CLCN5: variants seen among roughly 807,000 people sequenced by gnomAD.
CLCN5 encodes the protein H(+)/Cl(-) exchange transporter 5.
A neutral mutation model predicts 54.0 loss-of-function variants in CLCN5; 17 were observed. That is an observed-to-expected ratio of 0.31 (90% CI 0.22 to 0.47). The LOEUF (loss-of-function observed/expected upper bound fraction) is 0.47. CLCN5 is among the 20% of genes least tolerant of loss of function. The probability of loss-of-function intolerance (pLI) is 1.00; values close to 1 mark genes in which losing one functional copy is unlikely to be tolerated. For missense variants in CLCN5, 448 were observed against 646.7 expected, an observed-to-expected ratio of 0.69 and a Z score of 3.33; for synonymous variants, 222 against 233.0, an observed-to-expected ratio of 0.95 and a Z score of 0.43.
intron 3 of CLCN5, among the ~76,000 whole-genome samples, chrX:49,952,503 T>TC (rs1226262404): frequency 4.5e-5 from 5 of 110,185 alleles, no homozygotes; most frequent in Non-Finnish European, 9.5e-5. Context: ...AGGTGGGTTT[T>TC]TTTTTTCCAG....
intron 4 of CLCN5, 80 bp downstream of exon 4, chrX:50,042,542 T>C (rs1932263865): frequency 3.0e-6 from 2 of 673,126 alleles, no homozygotes; most frequent in Admixed American, 5.0e-5. Flanking sequence ...TTTAATTTTA[T>C]TTTCTAGCAC....
At chrX:49,960,845 C>T (rs1450648579) in intron 3 of CLCN5, among the ~76,000 whole-genome samples, 3 of 111,002 alleles carry the variant, frequency 2.7e-5, no homozygotes, top group Non-Finnish European at 5.7e-5. Flanking sequence ...TCATACTATC[C>T]CCATAGGCTA....
intron 3 of CLCN5, among the ~76,000 whole-genome samples, chrX:50,013,701 C>G (rs1433950698): frequency 1.8e-5 from 2 of 112,256 alleles, no homozygotes; most frequent in Non-Finnish European, 3.8e-5. Flanking sequence ...GTGCAGGTGC[C>G]TGGACTTTGA....
chrX:50,044,650 A>T (rs1199455014), intron 4 of CLCN5, among the ~76,000 whole-genome samples: 1 of 110,838 alleles, frequency 9.0e-6, no homozygotes, highest in Non-Finnish European at 1.9e-5. Context: ...CAGGGGATGG[A>T]TGTTACAAAG....
chrX:50,035,773 G>A (rs1472698475), intron 3 of CLCN5, among the ~76,000 whole-genome samples: 1 of 112,184 alleles, frequency 8.9e-6, no homozygotes, highest in African/African-American at 3.2e-5. Flanking sequence ...GCCATACAAA[G>A]AAGTTTTAAA....
At chrX:50,090,007 T>C in intron 12 of CLCN5, 109 bp from the exon 13 acceptor site, 3 of 778,576 alleles carry the variant, frequency 3.9e-6, no homozygotes, top group Non-Finnish European at 5.9e-6. Context: ...TGCACAGTTG[T>C]AGGTGAGACC....
intron 3 of CLCN5, among the ~76,000 whole-genome samples, chrX:49,945,648 G>GTTTCACCATGTTGGCCAGGATGGTCTC (rs1926682760): frequency 1.0e-5 from 1 of 97,966 alleles, no homozygotes; most frequent in Non-Finnish European, 2.0e-5. Context: ...TAGAGACGGG[G>GTTTCACCATGTTGGCCAGGATGGTCTC]TTTCACCATG....
chrX:50,081,780 G>C lies in CLCN5; in HGVS notation c.866G>C (p.Cys289Ser), dbSNP rs782428290. Residue 289 changes from cysteine to serine, a missense_variant, in exon 9 of 15, where the codon TGC becomes TCC. Around this residue, in one of 5 missense-constraint regions of CLCN5, gnomAD observed 297 missense variants for 470.4 expected, o/e 0.63. Coordinates refer to ENST00000376091, the MANE Select transcript of CLCN5 (RefSeq NM_001127898.4). ...GKEGPLVHVA[C>S]CCGNILCHCF... ...GAGGGCCCTCTAGTGCACGTGGCTT[G>C]CTGCTGTGGGAACATCCTGTGCCAC... The C allele has an allele frequency of 8.3e-7, 1 of 1,211,739 alleles. No individual in the cohort carries two copies. The highest frequency in any genetic ancestry group is 1.7e-5 in the African/African-American group (1 of 57,839).
chrX:50,052,543 G>A (rs1389382290), intron 4 of CLCN5, among the ~76,000 whole-genome samples: 6 of 111,452 alleles, frequency 5.4e-5, no homozygotes, highest in Non-Finnish European at 9.4e-5. Flanking sequence ...ATCGTTTAAT[G>A]TTGGCCTCAT....
intron 3 of CLCN5, among the ~76,000 whole-genome samples, chrX:50,000,505 T>C (rs1929746568): frequency 9.0e-6 from 1 of 111,135 alleles, no homozygotes; most frequent in Non-Finnish European, 1.9e-5. Flanking sequence ...CTCTTCCTTT[T>C]CCTCCCTCAT....
At position 49,957,574 on chromosome X, in the gene CLCN5, G is replaced by A. The variant is rs908016825; in HGVS notation, c.16+32260G>A. 3.6e-5 allele frequency among the ~76,000 whole-genome samples: 4 copies of A among 110,953 alleles called. No individual in the cohort carries two copies. The Admixed American group carries it at 3.8e-4, about 11-fold the overall frequency. On this transcript the variant is annotated intron_variant, in intron 3 of 14. Transcript: ENST00000376091. ...CCTAGCCTCGCCTGTTGGTATTTTT[G>A]GATTCTAGCTCTATTTGAAACACAT...
At chrX:50,058,108 A>G (rs1932794609) in intron 4 of CLCN5, among the ~76,000 whole-genome samples, 1 of 112,014 alleles carries the variant, frequency 8.9e-6, no homozygotes. Flanking sequence ...CAAAAATACA[A>G]TATATCGCTG....
chrX:50,007,397 TTCTCTCTCTCTC>T (rs781888075), intron 3 of CLCN5, among the ~76,000 whole-genome samples: 73 of 64,407 alleles, frequency 1.1e-3, no homozygotes, highest in Admixed American at 2.0e-3. Context: ...CTCTCTCTCT[TTCTCTCTCTCTC>T]TCTCTCTCTC....
At chrX:49,995,172 A>G (rs781870603) in intron 3 of CLCN5, among the ~76,000 whole-genome samples, 67 of 111,823 alleles carry the variant, frequency 6.0e-4, no homozygotes, top group African/African-American at 2.1e-3. Flanking sequence ...GTGGTTGGGC[A>G]GAACAGTGAC....
intron 3 of CLCN5, among the ~76,000 whole-genome samples, chrX:50,016,947 C>G (rs782066753): frequency 9.0e-6 from 1 of 111,360 alleles, no homozygotes; most frequent in South Asian, 3.8e-4. Flanking sequence ...CCCATTTATC[C>G]CATATAGTAA....
intron 3 of CLCN5, among the ~76,000 whole-genome samples, chrX:49,950,175 C>T (rs1926968324): frequency 9.0e-6 from 1 of 111,585 alleles, no homozygotes; most frequent in African/African-American, 3.3e-5. Flanking sequence ...GAATGTTGCT[C>T]TTTGGACTGA....
chrX:49,963,428 A>G (rs1307267874), intron 3 of CLCN5, among the ~76,000 whole-genome samples: 20 of 111,546 alleles, frequency 1.8e-4, no homozygotes, highest in African/African-American at 6.5e-4. Flanking sequence ...AAAAACCCCA[A>G]TCCATATGTG....
intron 3 of CLCN5, among the ~76,000 whole-genome samples, chrX:49,987,994 A>G (rs968035708): frequency 1.3e-4 from 15 of 111,286 alleles, no homozygotes; most frequent in Non-Finnish European, 2.5e-4. Flanking sequence ...TTATACCCCT[A>G]GGCCCCCTGA....
intron 3 of CLCN5, chrX:50,003,067 A>G (rs1201859329): frequency 3.1e-6 from 1 of 318,992 alleles, no homozygotes; most frequent in Non-Finnish European, 6.3e-6. Context: ...CCTTCTCATT[A>G]CAGCATGTCT....
Sources: gnomAD v4.1 joint callset for allele counts (sites outside exome capture counted in the v4.1 genomes callset) on GRCh38, gnomAD v4.1.1 for gene constraint, gnomAD v4.1.1 regional missense constraint, MANE v1.5 for transcripts, NCBI Gene and HGNC (gene_info 2026-07-23, HGNC 2026-07-21) for gene names.